Variants in ALK observed in about 807,000 individuals in gnomAD.
ALK encodes the protein ALK receptor tyrosine kinase.
In ALK, 74 loss-of-function variants were observed where a neutral mutation model predicts 163.1. The observed-to-expected ratio is 0.45, with a 90% CI of 0.38 to 0.55. ALK has a LOEUF of 0.55. Among genes scored for constraint, ALK ranks in the 20% least tolerant of loss-of-function variants. ALK has a pLI of 0.00. For synonymous variants in ALK, 960 were observed against 843.2 expected (o/e 1.14, Z -2.40); for missense variants, 2,063 against 2,105.3 (o/e 0.98, Z 0.39).
intron 2 of ALK, among the ~76,000 whole-genome samples, chr2:29,707,460 C>T (rs1678945603): frequency 6.6e-6 from 1 of 152,106 alleles, no homozygotes; most frequent in Non-Finnish European, 1.5e-5. Context: ...AGGCTCTTTG[C>T]CTGGGAGGAC....
intron 23 of ALK, among the ~76,000 whole-genome samples, chr2:29,214,869 C>T (rs562935347): frequency 3.3e-4 from 50 of 152,306 alleles, no homozygotes; most frequent in African/African-American, 9.4e-4. Context: ...CACCATTTCC[C>T]CAAGTCACGG....
intron 1 of ALK, among the ~76,000 whole-genome samples, chr2:29,847,889 G>C (rs1665886228): frequency 6.6e-6 from 1 of 152,056 alleles, no homozygotes; most frequent in African/African-American, 2.4e-5. Flanking sequence ...AGGAGGATGA[G>C]GGTGGGGGAG....
intron 4 of ALK, among the ~76,000 whole-genome samples, chr2:29,422,366 T>G (rs1218884972): frequency 6.6e-6 from 1 of 151,228 alleles, no homozygotes; most frequent in Non-Finnish European, 1.5e-5. Context: ...TACATGTACC[T>G]AATTGGTGGG....
At chr2:29,682,087 T>C (rs1678087238) in intron 3 of ALK, among the ~76,000 whole-genome samples, 1 of 152,220 alleles carries the variant, frequency 6.6e-6, no homozygotes, top group Non-Finnish European at 1.5e-5. Flanking sequence ...AGTCTGTATG[T>C]CAGCCAATCT....
intron 1 of ALK, among the ~76,000 whole-genome samples, chr2:29,919,180 A>G (rs1667916026): frequency 6.6e-6 from 1 of 152,222 alleles, no homozygotes; most frequent in Non-Finnish European, 1.5e-5. Context: ...ACTATCATCA[A>G]GAGCTGCTGC....
At chr2:29,253,079 A>C (rs1456102327) in intron 11 of ALK, among the ~76,000 whole-genome samples, 1 of 152,066 alleles carries the variant, frequency 6.6e-6, no homozygotes, top group East Asian at 1.9e-4. Context: ...TGCAGTCTTG[A>C]AGTCCTGAGC....
At chr2:29,756,337 A>G (rs1558474423) in intron 1 of ALK, among the ~76,000 whole-genome samples, 1 of 152,152 alleles carries the variant, frequency 6.6e-6, no homozygotes, top group Non-Finnish European at 1.5e-5. Flanking sequence ...TGTCAGTCCT[A>G]AGTATCTGTG....
intron 5 of ALK, among the ~76,000 whole-genome samples, chr2:29,351,909 T>C (rs74327449): frequency 0.025 from 3,804 of 152,168 alleles, 170 homozygotes; most frequent in African/African-American, 0.087. Flanking sequence ...ACTCTCCTGT[T>C]TGGGGGTCCC....
intron 4 of ALK, among the ~76,000 whole-genome samples, chr2:29,385,647 TC>T (rs1280966840): frequency 6.6e-6 from 1 of 152,158 alleles, no homozygotes; most frequent in African/African-American, 2.4e-5. Flanking sequence ...TGCCTCAGCC[TC>T]CCAAAGTGCT....
At chr2:29,647,723 G>A (rs1439912430) in intron 3 of ALK, among the ~76,000 whole-genome samples, 1 of 150,214 alleles carries the variant, frequency 6.7e-6, no homozygotes, top group African/African-American at 2.4e-5. Flanking sequence ...CTATTGCTCA[G>A]AGAAGTGTTT....
At chr2:29,523,287 G>T (rs1444384700) in intron 4 of ALK, among the ~76,000 whole-genome samples, 1 of 152,110 alleles carries the variant, frequency 6.6e-6, no homozygotes, top group Non-Finnish European at 1.5e-5. Context: ...CCTTCTCAGG[G>T]CTAGCTTGCC....
chr2:29,556,396 A>G (rs2148179237), intron 3 of ALK, among the ~76,000 whole-genome samples: 1 of 152,252 alleles, frequency 6.6e-6, no homozygotes, highest in East Asian at 1.9e-4. Context: ...AGAACTGTTC[A>G]CTCCTGTTAT....
At chr2:29,697,891 C>T (rs2631960) in intron 2 of ALK, among the ~76,000 whole-genome samples, 130,864 of 152,208 alleles carry the variant, frequency 0.86, 56,565 homozygotes, top group African/African-American at 0.95. Context: ...TGGATTGTCT[C>T]CCAATGGGTG....
chr2:29,197,329 T>C (rs935261755), intron 27 of ALK, among the ~76,000 whole-genome samples: 1 of 152,046 alleles, frequency 6.6e-6, no homozygotes, highest in African/African-American at 2.4e-5. Context: ...AGCCAGACAA[T>C]GGATACTTTT....
intron 3 of ALK, among the ~76,000 whole-genome samples, chr2:29,581,530 C>G (rs1348411083): frequency 2.6e-5 from 4 of 152,184 alleles, no homozygotes; most frequent in Non-Finnish European, 1.5e-5. Flanking sequence ...TTCGTCATAT[C>G]CACTTCCCAC....
At chr2:29,473,657 G>T (rs1671425616) in intron 4 of ALK, among the ~76,000 whole-genome samples, 1 of 151,926 alleles carries the variant, frequency 6.6e-6, no homozygotes, top group Non-Finnish European at 1.5e-5. Flanking sequence ...TCAGGGAAAT[G>T]CAGGAGTTTG....
intron 3 of ALK, among the ~76,000 whole-genome samples, chr2:29,533,033 T>C (rs1329417141): frequency 6.6e-6 from 1 of 152,078 alleles, no homozygotes; most frequent in African/African-American, 2.4e-5. Context: ...ATGGTGCAGA[T>C]AAAAGAGGGG....
intron 2 of ALK, among the ~76,000 whole-genome samples, chr2:29,698,268 A>C (rs548602397): frequency 6.6e-6 from 1 of 152,258 alleles, no homozygotes; most frequent in South Asian, 2.1e-4. Context: ...CAAAGAGAAA[A>C]CTGGTCCAAC....
chr2:29,670,488 C>A (rs1677647658), intron 3 of ALK, among the ~76,000 whole-genome samples: 1 of 151,840 alleles, frequency 6.6e-6, no homozygotes, highest in South Asian at 2.1e-4. Context: ...TATTATATAC[C>A]TTGGTGTGGT....
Sources: allele counts gnomAD v4.1 joint callset (sites outside exome capture counted in the v4.1 genomes callset), GRCh38; gene constraint gnomAD v4.1.1; transcripts MANE v1.5; gene names NCBI Gene and HGNC (gene_info 2026-07-23, HGNC 2026-07-21).